The following MTMR11 variants were observed in gnomAD, a reference collection of about 807,000 sequenced individuals.
MTMR11 encodes the protein myotubularin related protein 11.
In MTMR11, 89 loss-of-function variants were observed where a neutral mutation model predicts 100.0. The ratio of observed to expected loss-of-function variants is 0.89; its 90% CI spans 0.75 to 1.06. MTMR11 has a LOEUF of 1.06. Among genes scored for constraint, MTMR11 ranks in the 50% least tolerant of loss-of-function variants. The pLI is 0.00. For synonymous variants in MTMR11, 336 were observed against 326.3 expected (o/e 1.03, Z -0.32); for missense variants, 809 against 873.7 (o/e 0.93, Z 0.93).
At position 149,930,939 on chromosome 1, in the gene MTMR11, A is replaced by C. The variant is rs1553767446; in HGVS notation, c.1317T>G (p.Asp439Glu). Residue 439 changes from aspartate to glutamate, a missense_variant, in exon 14 of 17, where the codon GAT becomes GAG. Coordinates refer to ENST00000439741, the MANE Select transcript of MTMR11 (RefSeq NM_001145862.2). ...ACTGCTGGAGGAGCTGCCAGACACAATCAAGGAAGAGGAGAAACACCGGAG... is the reference window on the plus strand; with the variant it reads ...ACTGCTGGAGGAGCTGCCAGACACACTCAAGGAAGAGGAGAAACACCGGAG... The part of the protein sequence containing the change: ...EEAPVFLLFL[D>E]CVWQLLQQFP... 1 of 1,607,974 alleles carries C rather than the reference A, an allele frequency of 6.2e-7. No homozygotes were observed. Among genetic ancestry groups the C allele is most frequent in the Non-Finnish European group, 8.5e-7 (1 of 1,178,284 alleles).
intron 16 of MTMR11, 27 bp from the exon 17 acceptor site, chr1:149,929,344 G>A (rs138011371): frequency 1.3e-6 from 2 of 1,582,564 alleles, no homozygotes; most frequent in Middle Eastern, 1.7e-4. Context: ...GAGGAACAGA[G>A]AAGAATACTG....
Position 149,929,851 on chromosome 1 carries a change from G to T in MTMR11, c.1713C>A (p.Pro571=). 6.2e-7 allele frequency: 1 copy of T among 1,614,192 alleles called. No homozygotes were observed. Among genetic ancestry groups the T allele is most frequent in the Admixed American group, 1.7e-5 (1 of 60,026 alleles). The change falls in exon 16 of 17, where the codon CCC becomes CCA. Residue 571 remains proline, a synonymous_variant. Transcript: ENST00000439741. The stretch of plus-strand genomic sequence containing the variant: ...CCCGCCAAGGACAGAGCTGATTCAG[G>T]GGGGTCAATGCTCCTCTAGAGAAGA... ...VWLFSRGALT[P]LNQLCPWRDS...
chr1:149,936,044 C>G (rs891159437), intron 2 of MTMR11, 110 bp downstream of exon 2: 1 of 1,202,682 alleles, frequency 8.3e-7, no homozygotes, highest in Non-Finnish European at 1.2e-6. Context: ...CTCAGGCAGA[C>G]GTACTTCGAG....
Position 149,935,684 on chromosome 1 carries a change from G to A in MTMR11, c.164C>T (p.Ala55Val). ...TTCCAGGCCCTTCCTCACCCCTGGG[G>A]CCCATGCTAGGATCTGCTCCCCTAA... is the stretch of plus-strand genomic sequence containing the variant. ...CLPGEQILAW[A>V]PGVRKGLEPE... Residue 55 changes from alanine (A) to valine (V), a missense_variant, in exon 3 of 17, where the codon GCC (alanine) becomes GTC (valine). By Grantham distance (64) the Ala-to-Val change is moderately conservative. Transcript: ENST00000439741. 1.2e-6 allele frequency: 2 copies of A among 1,610,658 alleles called. No homozygotes were observed. The highest frequency in any genetic ancestry group is 2.2e-5 in the East Asian group (1 of 44,654).
chr1:149,931,065 T>TA, intron 13 of MTMR11, 100 bp from the exon 14 acceptor site: 1 of 1,369,838 alleles, frequency 7.3e-7, no homozygotes, highest in East Asian at 2.5e-5. Context: ...AGGGGGAACT[T>TA]ATGGAAGTCA....
At chr1:149,930,584 C>A (rs781905969) in intron 14 of MTMR11, 37 bp from the exon 15 acceptor site, 4 of 1,548,978 alleles carry the variant, frequency 2.6e-6, no homozygotes, top group Admixed American at 3.5e-5. Flanking sequence ...TGGTTACACA[C>A]AATCCTCCCA....
At chr1:149,929,559 C>G in intron 16 of MTMR11, 64 bp downstream of exon 16, 1 of 1,526,336 alleles carries the variant, frequency 6.6e-7, no homozygotes, top group South Asian at 1.3e-5. Context: ...TTTCCAGCTC[C>G]TGTTCATCTG....
Position 149,934,111 on chromosome 1 carries a change from G to GGGAAGT in MTMR11, c.683+74_683+79dup. On this transcript the variant is annotated intron_variant, in intron 7 of 16. Coordinates refer to ENST00000439741, the MANE Select transcript of MTMR11 (RefSeq NM_001145862.2). ...GGTGTCCTAGGAGGCTGGAGTTTGT[G>GGGAAGT]GGAAGTCCTAGCTTTAGAGGATCAA... 2.5e-6 allele frequency: 4 copies of GGGAAGT among 1,597,006 alleles called. No homozygotes were observed. In the South Asian group the frequency reaches 4.5e-5, roughly 18 times the overall value.
chr1:149,934,173 G>C lies in MTMR11; in HGVS notation c.683+18C>G, dbSNP rs372351834. On this transcript the variant is annotated intron_variant, in intron 7 of 16. Transcript: ENST00000439741. ...AAGATTGGGAGAGCAGCAGGGTTGG[G>C]GTGCACTGGGGGATCACCTGGTGGC... is the stretch of plus-strand genomic sequence containing the variant. 6.2e-7 allele frequency: 1 copy of C among 1,613,432 alleles called. No individual in the cohort carries two copies. The highest frequency in any genetic ancestry group is 8.5e-7 in the Non-Finnish European group (1 of 1,179,938).
intron 1 of MTMR11, 150 bp downstream of exon 1, chr1:149,936,432 T>C: frequency 2.1e-6 from 3 of 1,414,040 alleles, no homozygotes; most frequent in Non-Finnish European, 2.8e-6. Flanking sequence ...AACTTGAGAC[T>C]GAGAAAGACG....
intron 6 of MTMR11, 47 bp downstream of exon 6, chr1:149,934,401 C>G (rs782455389): frequency 3.7e-6 from 6 of 1,613,538 alleles, no homozygotes; most frequent in Non-Finnish European, 5.1e-6. Flanking sequence ...CATCAGCCAT[C>G]CTCTGCTTTT....
Position 149,931,373 on chromosome 1 carries a change from A to C in MTMR11, c.1177T>G (p.Ser393Ala). The change falls in exon 13 of 17, where the codon TCA (serine) becomes GCA (alanine). Residue 393 changes from serine (S) to alanine (A), a missense_variant. Physicochemically the swap from Ser to Ala is moderately conservative, Grantham distance 99. Transcript: ENST00000439741. ...AACAGTGTTCGGGCTTCGGGGGCTG[A>C]AAGCAGCTGGACGAGTGAAGAGAGG... is the stretch of plus-strand genomic sequence containing the variant. The part of the protein sequence containing the change: ...GLLSSLVQLL[S>A]APEARTLFGF... The C allele has an allele frequency of 1.2e-6, 2 of 1,613,774 alleles. No individual in the cohort carries two copies. Among genetic ancestry groups the C allele is most frequent in the Non-Finnish European group, 1.7e-6 (2 of 1,179,894 alleles).
chr1:149,935,819 C>CA (rs35833681), intron 2 of MTMR11, 114 bp from the exon 3 acceptor site: 2 of 1,233,588 alleles, frequency 1.6e-6, no homozygotes, highest in Non-Finnish European at 2.2e-6. Context: ...AAATCCTCCC[C>CA]AAAGCCCACT....
intron 16 of MTMR11, 53 bp downstream of exon 16, chr1:149,929,570 G>A (rs2092627696): frequency 5.2e-6 from 8 of 1,552,156 alleles, no homozygotes; most frequent in Non-Finnish European, 7.0e-6. Context: ...TGTTCATCTG[G>A]TTCAGCAGAG....
chr1:149,936,116 A>G (rs782778201), intron 2 of MTMR11, 38 bp downstream of exon 2: 7 of 1,586,422 alleles, frequency 4.4e-6, no homozygotes, highest in Non-Finnish European at 6.0e-6. Context: ...CGTAGGATGA[A>G]ATTTGGAAGT....
intron 16 of MTMR11, 53 bp from the exon 17 acceptor site, chr1:149,929,370 C>A (rs1274619410): frequency 2.7e-6 from 4 of 1,486,180 alleles, no homozygotes; most frequent in Admixed American, 3.6e-5. Flanking sequence ...GCTCTGGCCC[C>A]CTGCTTCTCT....
At chr1:149,936,516 C>T in intron 1 of MTMR11, 66 bp downstream of exon 1, 3 of 1,332,834 alleles carry the variant, frequency 2.3e-6, no homozygotes, top group Admixed American at 2.1e-5. Context: ...TTGCTTCCCC[C>T]TTTTATCTCC....
chr1:149,933,757 TG>T, intron 8 of MTMR11, 59 bp from the exon 9 acceptor site: 1 of 1,610,906 alleles, frequency 6.2e-7, no homozygotes, highest in Non-Finnish European at 8.5e-7. Flanking sequence ...ACGCTACCCT[TG>T]CCCCCACACT....
Position 149,936,614 on chromosome 1 carries a change from T to C in MTMR11, c.34A>G (p.Ile12Val). 1 of 1,543,382 alleles carries C rather than the reference T, an allele frequency of 6.5e-7. No individual in the cohort carries two copies. The highest frequency in any genetic ancestry group is 8.8e-7 in the Non-Finnish European group (1 of 1,140,268). The change falls in exon 1 of 17, where the codon ATT (isoleucine) becomes GTT (valine). Residue 12 changes from isoleucine to valine, a missense_variant. Transcript: ENST00000439741. The stretch of plus-strand genomic sequence containing the variant: ...TCTGGCTCCTCCTTCTGGGGGGCAA[T>C]GTTGAAACTCTGGCCCCGGCCCCCC... The part of the protein sequence containing the change: ...WWGGRGQSFN[I>V]APQKEEPEMG...
Sources: allele counts gnomAD v4.1 joint callset, GRCh38; gene constraint gnomAD v4.1.1; transcripts MANE v1.5; gene names NCBI Gene and HGNC (gene_info 2026-07-23, HGNC 2026-07-21).